The following ZDHHC21 variants were observed in gnomAD, a reference collection of about 807,000 sequenced individuals.
The protein encoded by ZDHHC21 is zDHHC palmitoyltransferase 21, also known as palmitoyltransferase ZDHHC21.
A neutral mutation model predicts 34.6 loss-of-function variants in ZDHHC21; 15 were observed. That is an observed-to-expected ratio of 0.43 (90% CI 0.29 to 0.67). The LOEUF (loss-of-function observed/expected upper bound fraction) is 0.67. Among genes scored for constraint, ZDHHC21 ranks in the 30% least tolerant of loss-of-function variants. The pLI, the probability that ZDHHC21 is intolerant of heterozygous loss-of-function variation, is 0.14. For synonymous variants in ZDHHC21, 142 were observed against 101.8 expected (o/e 1.40, Z -2.38); for missense variants, 344 against 327.7 (o/e 1.05, Z -0.38).
At chr9:14,653,904 T>A (rs1460029609) in intron 7 of ZDHHC21, among the ~76,000 whole-genome samples, 1 of 151,970 alleles carries the variant, frequency 6.6e-6, no homozygotes, top group African/African-American at 2.4e-5. Flanking sequence ...TCCAATTAAT[T>A]AATAAATACA....
At chr9:14,686,931 C>A (rs1281229427) in intron 2 of ZDHHC21, among the ~76,000 whole-genome samples, 4 of 149,124 alleles carry the variant, frequency 2.7e-5, no homozygotes, top group East Asian at 3.9e-4. Flanking sequence ...AGAGACTGTA[C>A]TACAGCACTC....
At chr9:14,607,064 T>C (rs1306637389), downstream of ZDHHC21, among the ~76,000 whole-genome samples, 4 of 135,190 alleles carry the variant, frequency 3.0e-5, no homozygotes, top group African/African-American at 8.7e-5. Context: ...CTGTCCTCCA[T>C]AGCACTGTTA....
At chr9:14,647,223 G>C (rs1830409525) in intron 7 of ZDHHC21, among the ~76,000 whole-genome samples, 1 of 151,958 alleles carries the variant, frequency 6.6e-6, no homozygotes, top group African/African-American at 2.4e-5. Context: ...TAATCTTTTA[G>C]AACTGTATCA....
chr9:14,625,554 GT>G (rs1361686560), intron 8 of ZDHHC21, among the ~76,000 whole-genome samples: 1 of 151,852 alleles, frequency 6.6e-6, no homozygotes. Context: ...TACCTCATAG[GT>G]TTTTGTGGGG....
chr9:14,658,795 G>A lies in ZDHHC21; in HGVS notation c.458C>T (p.Ser153Phe), dbSNP rs758212722. ...ELLTCYALMF[S>F]FCHYYYFLPL... ...AAGAAAATAGTAATAGTGGCAGAAA[G>A]AAAACATCAGTGCGTAGCAAGTAAG... Residue 153 changes from serine to phenylalanine, a missense_variant, in exon 7 of 10, where the codon TCT becomes TTT. Coordinates refer to ENST00000380916, the MANE Select transcript of ZDHHC21 (RefSeq NM_178566.6). 6 of 1,613,542 alleles carry A rather than the reference G, an allele frequency of 3.7e-6. No homozygotes were observed. The highest frequency in any genetic ancestry group is 1.7e-5 in the Admixed American group (1 of 59,960).
chr9:14,675,361 C>A (rs886429537), intron 3 of ZDHHC21, among the ~76,000 whole-genome samples: 2 of 151,976 alleles, frequency 1.3e-5, no homozygotes, highest in Middle Eastern at 3.4e-3. Flanking sequence ...GACAACGGTT[C>A]TCTAGCCTGT....
At chr9:14,643,788 C>T (rs1264387037) in intron 7 of ZDHHC21, among the ~76,000 whole-genome samples, 4 of 152,268 alleles carry the variant, frequency 2.6e-5, no homozygotes, top group Non-Finnish European at 4.4e-5. Flanking sequence ...ATCTAAAAAG[C>T]TGTCATTTCT....
chr9:14,604,895 GCCA>G, the ZDHHC21 span, among the ~76,000 whole-genome samples: 2 of 152,080 alleles, frequency 1.3e-5, no homozygotes, highest in East Asian at 3.9e-4. Context: ...CCCCACAGCA[GCCA>G]CCATTCTACT....
downstream of ZDHHC21, among the ~76,000 whole-genome samples, chr9:14,610,222 A>G (rs1823157854): frequency 6.6e-6 from 1 of 152,026 alleles, no homozygotes; most frequent in South Asian, 2.1e-4. Flanking sequence ...ATTTTTATAA[A>G]TGTAAAGGAG....
intron 8 of ZDHHC21, among the ~76,000 whole-genome samples, chr9:14,630,316 G>A (rs1827108799): frequency 6.6e-6 from 1 of 152,020 alleles, no homozygotes; most frequent in South Asian, 2.1e-4. Context: ...CCACTTTTTG[G>A]GCTCATCCAT....
chr9:14,678,360 G>GA (rs5896642), intron 3 of ZDHHC21, among the ~76,000 whole-genome samples: 5,053 of 151,710 alleles, frequency 0.033, 296 homozygotes, highest in African/African-American at 0.12. Context: ...AGCATTCCTG[G>GA]AAAAAATACT....
At position 14,658,794 on chromosome 9, in the gene ZDHHC21, A is replaced by G. The variant is rs976540629; in HGVS notation, c.459T>C (p.Ser153=). 3 of 1,613,924 alleles carry G rather than the reference A, an allele frequency of 1.9e-6. No homozygotes were observed. The African/African-American group carries it at 4.0e-5, about 22-fold the overall frequency. ...ELLTCYALMF[S]FCHYYYFLPL... is the part of the protein sequence containing the mutation. ...GAAGAAAATAGTAATAGTGGCAGAA[A>G]GAAAACATCAGTGCGTAGCAAGTAA... The change falls in exon 7 of 10, where the codon TCT becomes TCC. Residue 153 remains serine (S), a synonymous_variant. Coordinates refer to ENST00000380916, the MANE Select transcript of ZDHHC21 (RefSeq NM_178566.6).
At chr9:14,684,413 C>G (rs1837941458) in intron 2 of ZDHHC21, among the ~76,000 whole-genome samples, 1 of 147,474 alleles carries the variant, frequency 6.8e-6, no homozygotes, top group African/African-American at 2.5e-5. Flanking sequence ...CAACAACAGA[C>G]AAACAGAGAG....
chr9:14,655,603 T>A (rs985685095), intron 7 of ZDHHC21, among the ~76,000 whole-genome samples: 6 of 151,902 alleles, frequency 3.9e-5, no homozygotes, highest in Non-Finnish European at 7.4e-5. Context: ...AGGTGCACAA[T>A]GGTAAAGTAC....
intron 2 of ZDHHC21, among the ~76,000 whole-genome samples, chr9:14,685,290 T>C (rs1338354870): frequency 1.7e-4 from 26 of 151,806 alleles, no homozygotes; most frequent in Non-Finnish European, 3.4e-4. Context: ...GAGAAAATTT[T>C]TGCAATCTAC....
intron 5 of ZDHHC21, among the ~76,000 whole-genome samples, chr9:14,664,152 G>A (rs1453155687): frequency 2.0e-5 from 3 of 152,092 alleles, no homozygotes; most frequent in African/African-American, 7.2e-5. Context: ...GCGGGTGCGC[G>A]CACCGTGCGC....
intron 8 of ZDHHC21, among the ~76,000 whole-genome samples, chr9:14,635,043 A>T (rs1045527341): frequency 6.6e-6 from 1 of 152,168 alleles, no homozygotes; most frequent in South Asian, 2.1e-4. Flanking sequence ...TACAAAATAC[A>T]TTTCAAAGTT....
intron 5 of ZDHHC21, among the ~76,000 whole-genome samples, chr9:14,670,580 A>G (rs564490924): frequency 6.6e-6 from 1 of 152,136 alleles, no homozygotes; most frequent in East Asian, 1.9e-4. Context: ...AATATTTACT[A>G]CGGGCCTTTA....
At chr9:14,648,563 G>A (rs185876850) in intron 7 of ZDHHC21, among the ~76,000 whole-genome samples, 60 of 152,144 alleles carry the variant, frequency 3.9e-4, no homozygotes, top group African/African-American at 1.3e-3. Flanking sequence ...CTGTTCAAGC[G>A]TCACTAGAGA....
Sources: allele counts gnomAD v4.1 joint callset (sites outside exome capture counted in the v4.1 genomes callset), GRCh38; gene constraint gnomAD v4.1.1; transcripts MANE v1.5; gene names NCBI Gene and HGNC (gene_info 2026-07-23, HGNC 2026-07-21).